Variants in BCAR3 observed in about 807,000 individuals in gnomAD.
The protein encoded by BCAR3 is BCAR3 adaptor protein, NSP family member.
Under a neutral mutation model 80.1 loss-of-function variants are expected in BCAR3, and 37 were observed. The observed-to-expected ratio is 0.46, with a 90% CI of 0.36 to 0.61. BCAR3 has a LOEUF of 0.61. BCAR3 is among the 20% of genes least tolerant of loss of function. The pLI, the probability that BCAR3 is intolerant of heterozygous loss-of-function variation, is 0.00. For missense variants in BCAR3, 978 were observed against 1,068.2 expected (o/e 0.92, Z 1.18); for synonymous variants, 389 against 418.9 (o/e 0.93, Z 0.87).
At chr1:93,736,789 C>T (rs1180053940) in intron 2 of BCAR3, among the ~76,000 whole-genome samples, 1 of 152,094 alleles carries the variant, frequency 6.6e-6, no homozygotes, top group Non-Finnish European at 1.5e-5. Flanking sequence ...GAAAAGTAGG[C>T]AAAATGAGCA....
chr1:93,693,269 G>C lies in BCAR3; in HGVS notation c.-12+12823C>G, dbSNP rs566669786. Among the ~76,000 whole-genome samples, 9 of 152,314 alleles carry C rather than the reference G, an allele frequency of 5.9e-5. No individual in the cohort carries two copies. In the South Asian group the frequency reaches 6.2e-4, roughly 11 times the overall value. ...ACTAGGCTTAGGGAATAGCACTTTG[G>C]GGGGCTAACCCCTGGTGCTGCCCTA... On this transcript the variant is annotated intron_variant, in intron 3 of 13. Transcript: ENST00000370244.
At chr1:93,733,748 TTG>T (rs1342874662) in intron 2 of BCAR3, among the ~76,000 whole-genome samples, 2 of 152,140 alleles carry the variant, frequency 1.3e-5, no homozygotes, top group African/African-American at 4.8e-5. Flanking sequence ...TGGGTTGTGT[TTG>T]TGTGTGTGTG....
intron 2 of BCAR3, among the ~76,000 whole-genome samples, chr1:93,820,980 C>T (rs1366635779): frequency 6.6e-6 from 1 of 150,910 alleles, no homozygotes; most frequent in African/African-American, 2.4e-5. Context: ...GGACCAAGAC[C>T]CTAGTTACAT....
At chr1:93,766,902 T>A (rs776226512) in intron 2 of BCAR3, among the ~76,000 whole-genome samples, 1 of 152,130 alleles carries the variant, frequency 6.6e-6, no homozygotes, top group Non-Finnish European at 1.5e-5. Flanking sequence ...TAAAAATTCA[T>A]AGTACAACAA....
intron 5 of BCAR3, among the ~76,000 whole-genome samples, chr1:93,588,074 T>C (rs575609950): frequency 1.3e-5 from 2 of 152,154 alleles, no homozygotes; most frequent in Non-Finnish European, 2.9e-5. Context: ...AGAAATCTCA[T>C]CTGTTCTCAC....
chr1:93,843,135 A>G lies in BCAR3; in HGVS notation c.-63+2432T>C, dbSNP rs186522609. Among the ~76,000 whole-genome samples the G allele has an allele frequency of 1.2e-3, 177 of 152,348 alleles. 2 individuals are homozygous for G. Among genetic ancestry groups the G allele is most frequent in the Non-Finnish European group, 2.1e-3 (142 of 68,034 alleles). On this transcript the variant is annotated intron_variant, in intron 2 of 13. Transcript: ENST00000370244. ...GTGGTGGGTGGGACAAATGAAAATA[A>G]AAATGTGCCTAAGGTTCTTGAACTA... is the stretch of plus-strand genomic sequence containing the variant.
At chr1:93,665,381 T>C (rs1197224385) in intron 2 of BCAR3, among the ~76,000 whole-genome samples, 2 of 151,938 alleles carry the variant, frequency 1.3e-5, no homozygotes, top group Admixed American at 1.3e-4. Context: ...GATAGTCTCC[T>C]ATTGAATTCT....
At chr1:93,785,239 C>T (rs765920) in intron 2 of BCAR3, among the ~76,000 whole-genome samples, 20,555 of 152,256 alleles carry the variant, frequency 0.14, 2,178 homozygotes, top group African/African-American at 0.28. Flanking sequence ...TAGGCTATTA[C>T]AATTTTCCAT....
chr1:93,647,485 T>C (rs1676177358), intron 2 of BCAR3, among the ~76,000 whole-genome samples: 1 of 152,188 alleles, frequency 6.6e-6, no homozygotes. Context: ...CCAAATAAAA[T>C]TTACAAATCA....
chr1:93,747,866 T>G (rs761667293), intron 2 of BCAR3, among the ~76,000 whole-genome samples: 1 of 151,666 alleles, frequency 6.6e-6, no homozygotes, highest in South Asian at 2.1e-4. Context: ...GCCACACTGA[T>G]GAAAACCTCT....
chr1:93,579,045 C>T (rs374859177), intron 7 of BCAR3, among the ~76,000 whole-genome samples: 1 of 152,124 alleles, frequency 6.6e-6, no homozygotes, highest in African/African-American at 2.4e-5. Context: ...AAAGACCTTG[C>T]GCACGGTGGG....
upstream of BCAR3, among the ~76,000 whole-genome samples, chr1:93,686,293 C>T (rs935452638): frequency 1.3e-5 from 2 of 152,146 alleles, no homozygotes; most frequent in Non-Finnish European, 2.9e-5. Context: ...GTAGTACCAG[C>T]TACTCGGGAG....
At chr1:93,764,235 C>T (rs1652060284) in intron 2 of BCAR3, among the ~76,000 whole-genome samples, 1 of 152,006 alleles carries the variant, frequency 6.6e-6, no homozygotes, top group Non-Finnish European at 1.5e-5. Flanking sequence ...TCTCAATCCT[C>T]CCACACTTCC....
At chr1:93,847,882 T>C, upstream of BCAR3, 1 of 225,490 alleles carries the variant, frequency 4.4e-6, no homozygotes, top group South Asian at 5.3e-5. Context: ...GCAGTCGATG[T>C]AGGTCCTGAG....
At chr1:93,740,879 G>GA (rs1651152137) in intron 2 of BCAR3, among the ~76,000 whole-genome samples, 1 of 152,190 alleles carries the variant, frequency 6.6e-6, no homozygotes, top group South Asian at 2.1e-4. Context: ...GGAATTAGCC[G>GA]AAAGCACTGG....
At chr1:93,664,071 T>C (rs1647785360) in intron 2 of BCAR3, among the ~76,000 whole-genome samples, 1 of 152,222 alleles carries the variant, frequency 6.6e-6, no homozygotes, top group Non-Finnish European at 1.5e-5. Context: ...TTCTAAGGCC[T>C]GATTACTTCT....
chr1:93,810,192 C>CAATAAAAAAAAA (rs1653785049), intron 2 of BCAR3, among the ~76,000 whole-genome samples: 1 of 98,880 alleles, frequency 1.0e-5, no homozygotes, highest in African/African-American at 3.5e-5. Context: ...GACTCCATCT[C>CAATAAAAAAAAA]AAAAAAAAAA....
intron 3 of BCAR3, among the ~76,000 whole-genome samples, chr1:93,629,152 G>A (rs1196321298): frequency 1.3e-5 from 2 of 152,010 alleles, no homozygotes; most frequent in Admixed American, 6.6e-5. Flanking sequence ...TCTTCTTCTC[G>A]GAATCTCTTT....
Position 93,571,787 on chromosome 1 carries a change from A to C in BCAR3, c.1857T>G (p.Thr619=). 2 of 1,614,114 alleles carry C rather than the reference A, an allele frequency of 1.2e-6. No individual in the cohort carries two copies. The highest frequency in any genetic ancestry group is 4.5e-5 in the East Asian group (2 of 44,860). ...TCAGAGTGGCCGCTCGGTCCTCCAA[A>C]GTGCCCGTGCATCCCAGAATGTCCA... The part of the protein sequence containing the change: ...IAVDILGCTG[T]LEDRAATLSK... Residue 619 remains threonine (T), a synonymous_variant, in exon 9 of 12, where the codon ACT becomes ACG. Coordinates refer to ENST00000260502, the MANE Select transcript of BCAR3 (RefSeq NM_003567.4).
Sources: allele counts gnomAD v4.1 joint callset (sites outside exome capture counted in the v4.1 genomes callset), GRCh38; gene constraint gnomAD v4.1.1; transcripts MANE v1.5; gene names NCBI Gene and HGNC (gene_info 2026-07-23, HGNC 2026-07-21).